EARS2: variants seen among roughly 807,000 people sequenced by gnomAD.
The protein encoded by EARS2 is glutamyl-tRNA synthetase 2, mitochondrial.
A neutral mutation model predicts 54.1 loss-of-function variants in EARS2; 50 were observed. That is an observed-to-expected ratio of 0.92 (90% CI 0.74 to 1.17). The LOEUF is 1.17. Ranked by LOEUF, EARS2 falls within the 50% of genes most tolerant of loss-of-function variation. The probability of loss-of-function intolerance (pLI) is 0.00; values close to 1 mark genes in which losing one functional copy is unlikely to be tolerated. For synonymous variants in EARS2, 298 were observed against 281.0 expected (o/e 1.06, Z -0.61); for missense variants, 673 against 675.0 (o/e 1.00, Z 0.03).
At position 23,524,159 on chromosome 16, in the gene EARS2, G is replaced by A; in HGVS notation, c.*212C>T. The stretch of plus-strand genomic sequence containing the variant: ...CCGGAGAATGCCTTTCCAGAGTCCA[G>A]GAGGTTAGATGGGTTGGGCTTCCCC... On this transcript the variant is annotated 3_prime_UTR_variant, in exon 9 of 9. Transcript: ENST00000449606. 2 of 598,852 alleles carry A rather than the reference G, an allele frequency of 3.3e-6. No homozygotes were observed. The highest frequency in any genetic ancestry group is 6.0e-6 in the Non-Finnish European group (2 of 335,320). 37.1% of individuals were successfully genotyped at this position (598,852 alleles called of 1,614,324 possible). A position where few individuals can be genotyped will look rare whatever the true frequency, so the allele number is the denominator to read the frequency against.
At chr16:23,556,863 C>T (rs1489105531) in intron 1 of EARS2, 1 of 555,384 alleles carries the variant, frequency 1.8e-6, no homozygotes, top group Admixed American at 2.3e-5. Context: ...CACTAGAATG[C>T]AGACTTCCAC....
intron 1 of EARS2, among the ~76,000 whole-genome samples, chr16:23,552,615 G>C (rs559473934): frequency 6.6e-6 from 1 of 152,170 alleles, no homozygotes; most frequent in Non-Finnish European, 1.5e-5. Flanking sequence ...CCAGCCTCCC[G>C]AGTAGCTGGG....
intron 5 of EARS2, among the ~76,000 whole-genome samples, chr16:23,531,178 TG>T (rs1965321307): frequency 6.6e-6 from 1 of 151,858 alleles, no homozygotes; most frequent in Non-Finnish European, 1.5e-5. Context: ...ACTACAGGCA[TG>T]AGCCACCGCG....
chr16:23,552,550 G>C (rs1356327269), intron 1 of EARS2, among the ~76,000 whole-genome samples: 1 of 151,834 alleles, frequency 6.6e-6, no homozygotes, highest in African/African-American at 2.4e-5. Context: ...GAGTGCAGTG[G>C]CACAGTCTTG....
At chr16:23,547,409 G>A (rs1965621651) in intron 2 of EARS2, among the ~76,000 whole-genome samples, 1 of 152,172 alleles carries the variant, frequency 6.6e-6, no homozygotes, top group Non-Finnish European at 1.5e-5. Flanking sequence ...GAAATGTTCT[G>A]GAATTAGTGG....
intron 3 of EARS2, among the ~76,000 whole-genome samples, chr16:23,538,427 C>A (rs1965460127): frequency 6.6e-6 from 1 of 152,198 alleles, no homozygotes; most frequent in African/African-American, 2.4e-5. Context: ...GCGTGAGCCA[C>A]CGTGCCTGGC....
chr16:23,552,594 A>T (rs1184363599), intron 1 of EARS2, among the ~76,000 whole-genome samples: 1 of 152,230 alleles, frequency 6.6e-6, no homozygotes, highest in African/African-American at 2.4e-5. Flanking sequence ...GTGTTTAAGC[A>T]ATTCTCATGC....
chr16:23,550,252 A>C (rs751139577), intron 2 of EARS2, among the ~76,000 whole-genome samples: 10 of 152,044 alleles, frequency 6.6e-5, no homozygotes, highest in Non-Finnish European at 1.2e-4. Context: ...CTATGGTGCC[A>C]GCTACCCAGG....
chr16:23,555,085 G>C (rs1231007913), intron 1 of EARS2, among the ~76,000 whole-genome samples: 1 of 152,218 alleles, frequency 6.6e-6, no homozygotes, highest in Non-Finnish European at 1.5e-5. Context: ...GGGTGTACTA[G>C]ACCTTACTAA....
intron 8 of EARS2, 120 bp from the exon 9 acceptor site, chr16:23,524,574 A>ATTTCCCT: frequency 1.2e-6 from 1 of 813,340 alleles, no homozygotes; most frequent in Non-Finnish European, 2.1e-6. Context: ...CTGTGTTCTG[A>ATTTCCCT]GGATCAGTGC....
chr16:23,552,418 G>T, intron 1 of EARS2, 114 bp from the exon 2 acceptor site: 1 of 1,219,454 alleles, frequency 8.2e-7, no homozygotes, highest in Non-Finnish European at 1.2e-6. Context: ...AGACCAGCAG[G>T]ACACATTGGC....
chr16:23,552,147 A>G lies in EARS2; in HGVS notation c.295+2T>C, dbSNP rs763492992. ...GAAAGATCCTTTCTCTGCCAGGCTTACCTGCCCACTCCAGCATGTCCTCAA... is the reference window on the plus strand; with the variant it reads ...GAAAGATCCTTTCTCTGCCAGGCTTGCCTGCCCACTCCAGCATGTCCTCAA... On this transcript the variant is annotated splice_donor_variant, in intron 2 of 8. Coordinates refer to ENST00000449606, the MANE Select transcript of EARS2 (RefSeq NM_001083614.2). LOFTEE classifies it high-confidence loss of function. 3.7e-6 allele frequency: 6 copies of G among 1,612,956 alleles called. No individual in the cohort carries two copies. The highest frequency in any genetic ancestry group is 1.3e-5 in the African/African-American group (1 of 74,872).
chr16:23,522,523 C>T lies in EARS2; in HGVS notation c.*1848G>A, dbSNP rs1965155884. ...TGGCTCTCTTATGGCCTCCAATAAA[C>T]ATAAGTGAGGCAGAGTTGGTTTCTA... On this transcript the variant is annotated 3_prime_UTR_variant, in exon 9 of 9. Transcript: ENST00000449606. 1 of 151,914 alleles carries T rather than the reference C, an allele frequency of 6.6e-6. No homozygotes were observed. The highest frequency in any genetic ancestry group is 2.4e-5 in the African/African-American group (1 of 41,322). The allele number at this position is 151,914 out of a possible 1,614,324, so 9.4% of individuals were successfully genotyped here.
rs13334957 is a variant in EARS2 at position 23,522,215 on chromosome 16, A to C, written c.*2156T>G. 14,462 of 202,614 alleles carry C rather than the reference A, an allele frequency of 0.071. 986 individuals carry two copies. The highest frequency in any genetic ancestry group is 0.19 in the African/African-American group (8,286 of 43,406). The allele number at this position is 202,614 out of a possible 1,614,324, so 12.6% of individuals were successfully genotyped here. A position where few individuals can be genotyped will look rare whatever the true frequency, so the allele number is the denominator to read the frequency against. ...AGCTCCCTAGTTTTCCTTGAGAACA[A>C]CTTTTCCTCCATTGCATATAATCCC... On this transcript the variant is annotated 3_prime_UTR_variant, in exon 9 of 9. Coordinates refer to ENST00000449606, the MANE Select transcript of EARS2 (RefSeq NM_001083614.2).
intron 3 of EARS2, among the ~76,000 whole-genome samples, chr16:23,539,406 T>G (rs1965477068): frequency 6.6e-6 from 1 of 152,178 alleles, no homozygotes; most frequent in Non-Finnish European, 1.5e-5. Flanking sequence ...GACATTTCAC[T>G]TTATTAAATA....
chr16:23,553,036 A>G, intron 1 of EARS2: 2 of 394,562 alleles, frequency 5.1e-6, no homozygotes, highest in South Asian at 1.8e-5. Flanking sequence ...CTGAGGTGGG[A>G]GGATCACCTG....
At chr16:23,536,717 G>A (rs1965425889) in intron 3 of EARS2, among the ~76,000 whole-genome samples, 1 of 133,780 alleles carries the variant, frequency 7.5e-6, no homozygotes, top group South Asian at 2.3e-4. Context: ...GAGTCTCGCT[G>A]TGTCACCCAG....
intron 4 of EARS2, among the ~76,000 whole-genome samples, chr16:23,533,860 A>G (rs1019937391): frequency 1.3e-5 from 2 of 152,180 alleles, no homozygotes; most frequent in African/African-American, 4.8e-5. Context: ...GTTCGAGAAC[A>G]GCCTGGACAA....
In EARS2 at chr16:23,521,836, T is replaced by C. The variant is rs1433703589; in HGVS notation, c.*2535A>G. On this transcript the variant is annotated 3_prime_UTR_variant, in exon 9 of 9. Coordinates refer to ENST00000449606, the MANE Select transcript of EARS2 (RefSeq NM_001083614.2). ...GCTCCTTTTAACCATTCTTAATGTC[T>C]TAGAAACAGATGCTCTGACAACACT... 1.3e-5 allele frequency: 6 copies of C among 455,800 alleles called. No individual in the cohort carries two copies. The highest frequency in any genetic ancestry group is 2.6e-5 in the Non-Finnish European group (6 of 226,802). 28.2% of individuals were successfully genotyped at this position (455,800 alleles called of 1,614,324 possible). A position where few individuals can be genotyped will look rare whatever the true frequency, so the allele number is the denominator to read the frequency against.
Sources: allele counts gnomAD v4.1 joint callset (sites outside exome capture counted in the v4.1 genomes callset), GRCh38; gene constraint gnomAD v4.1.1; transcripts MANE v1.5; gene names NCBI Gene and HGNC (gene_info 2026-07-23, HGNC 2026-07-21).